The following FAP variants were observed in gnomAD, a reference collection of about 807,000 sequenced individuals.
The protein encoded by FAP is fibroblast activation protein alpha.
FAP carries 110 observed loss-of-function variants against 126.5 expected under a neutral mutation model. That is an observed-to-expected ratio of 0.87 (90% CI 0.74 to 1.02). The LOEUF is 1.02. Among genes scored for constraint, FAP ranks in the 50% least tolerant of loss-of-function variants. The pLI, the probability that FAP is intolerant of heterozygous loss-of-function variation, is 0.00. For missense variants in FAP, 919 were observed against 909.2 expected, an observed-to-expected ratio of 1.01 and a Z score of -0.14; for synonymous variants, 334 against 297.3, an observed-to-expected ratio of 1.12 and a Z score of -1.27.
At chr2:162,175,517 T>C (rs978247390) in intron 21 of FAP, 1 of 152,292 alleles carries the variant, frequency 6.6e-6, no homozygotes, top group Non-Finnish European at 1.5e-5. Context: ...AGTTTGTGTA[T>C]GTTGTAGTGG....
intron 12 of FAP, among the ~76,000 whole-genome samples, chr2:162,208,352 AATT>A (rs1206849126): frequency 6.6e-6 from 1 of 152,166 alleles, no homozygotes; most frequent in Non-Finnish European, 1.5e-5. Flanking sequence ...AGATTTTTTA[AATT>A]ATTAAGATAC....
At chr2:162,196,303 T>C (rs1255914872) in intron 16 of FAP, among the ~76,000 whole-genome samples, 1 of 152,190 alleles carries the variant, frequency 6.6e-6, no homozygotes, top group Non-Finnish European at 1.5e-5. Context: ...ACTTCCTGTG[T>C]GGAATCTCAG....
intron 20 of FAP, among the ~76,000 whole-genome samples, chr2:162,184,343 C>G (rs528302045): frequency 6.6e-6 from 1 of 152,282 alleles, no homozygotes; most frequent in African/African-American, 2.4e-5. Context: ...GACACACAGT[C>G]CCAGAAAAAT....
intron 2 of FAP, among the ~76,000 whole-genome samples, chr2:162,234,523 T>G (rs1049125715): frequency 3.9e-5 from 6 of 152,212 alleles, no homozygotes; most frequent in African/African-American, 1.2e-4. Flanking sequence ...TATCTGTCAG[T>G]AGAAAGAGTT....
intron 21 of FAP, chr2:162,176,184 C>T (rs1312880573): frequency 6.6e-6 from 1 of 152,104 alleles, no homozygotes; most frequent in Non-Finnish European, 1.5e-5. Flanking sequence ...GAGAGGTAGA[C>T]AGACATGGTG....
At position 162,237,095 on chromosome 2, in the gene FAP, TAAA is replaced by T. The variant is rs752352046; in HGVS notation, c.91+5810_91+5812del. On this transcript the variant is annotated intron_variant, in intron 2 of 25. Coordinates refer to ENST00000188790, the MANE Select transcript of FAP (RefSeq NM_004460.5). Reference sequence around the variant, plus strand: ...CTGTTCTTACTGCATATTAGTCAATTAAAAAGGATACTGGAAATGAAAAATAAG... The same window carrying T: ...CTGTTCTTACTGCATATTAGTCAATTAAGGATACTGGAAATGAAAAATAAG... Among the ~76,000 whole-genome samples the T allele has an allele frequency of 5.3e-4, 81 of 152,266 alleles. 1 individual carries two copies. The highest frequency in any genetic ancestry group is 9.3e-4 in the Non-Finnish European group (63 of 68,008).
intron 21 of FAP, among the ~76,000 whole-genome samples, chr2:162,179,759 G>GATCTATCTATCT (rs1320073177): frequency 1.0e-4 from 14 of 134,886 alleles, no homozygotes; most frequent in African/African-American, 3.3e-4. Flanking sequence ...AGGAAGCACA[G>GATCTATCTATCT]ATCTATCTAT....
chr2:162,205,048 C>T (rs934568255), intron 12 of FAP, among the ~76,000 whole-genome samples: 1 of 152,152 alleles, frequency 6.6e-6, no homozygotes, highest in Non-Finnish European at 1.5e-5. Context: ...CCTAGTGTAG[C>T]CAACCAGTGG....
In FAP at chr2:162,243,190, T is replaced by A; in HGVS notation, c.6+132A>T. 9 of 848,856 alleles carry A rather than the reference T, an allele frequency of 1.1e-5. No individual in the cohort carries two copies. In the South Asian group the frequency reaches 1.5e-4, roughly 14 times the overall value. The allele number at this position is 848,856 out of a possible 1,614,324, so 52.6% of individuals were successfully genotyped here. The stretch of plus-strand genomic sequence containing the variant: ...TTCTACAGTATATTTAGAACAATTT[T>A]CCAATCCCAACCCATTGAGGAAGTA... On this transcript the variant is annotated intron_variant, in intron 1 of 25. Coordinates refer to ENST00000188790, the MANE Select transcript of FAP (RefSeq NM_004460.5).
chr2:162,223,560 A>G (rs778652490), intron 6 of FAP, 48 bp downstream of exon 6: 1 of 1,153,346 alleles, frequency 8.7e-7, no homozygotes, highest in Non-Finnish European at 1.3e-6. Context: ...GAATGAAAAC[A>G]TTCTAGGTAT....
chr2:162,220,350 C>T (rs1165427907), intron 6 of FAP, among the ~76,000 whole-genome samples: 3 of 152,146 alleles, frequency 2.0e-5, no homozygotes, highest in Non-Finnish European at 2.9e-5. Context: ...CCTTTTAACC[C>T]CTGGGATTGT....
intron 16 of FAP, 188 bp downstream of exon 16, chr2:162,198,569 A>G: frequency 1.2e-6 from 1 of 820,522 alleles, no homozygotes; most frequent in Non-Finnish European, 1.8e-6. Context: ...CTGTTTCCTC[A>G]GTTGCAAAAA....
rs762274876 is a variant in FAP, at chr2:162,225,509, A to G, written c.259T>C (p.Tyr87His). Reference protein sequence around the residue: ...VLYNIETGQSYTILSNRTMKS... With the variant: ...VLYNIETGQSHTILSNRTMKS... ...ATGGTTCTATTACTCAAAATGGTATATGATTGTCCTGTTTCAATATTATAA... is the reference window on the plus strand; with the variant it reads ...ATGGTTCTATTACTCAAAATGGTATGTGATTGTCCTGTTTCAATATTATAA... The change falls in exon 4 of 26, where the codon TAT becomes CAT. Residue 87 changes from tyrosine (Y) to histidine (H), a missense_variant. By Grantham distance (83) the Tyr-to-His change is moderately conservative. Transcript: ENST00000188790. 20 of 1,600,810 alleles carry G rather than the reference A, an allele frequency of 1.2e-5. No individual in the cohort carries two copies. The highest frequency in any genetic ancestry group is 1.7e-5 in the Admixed American group (1 of 58,310).
At chr2:162,182,871 A>G (rs1015417524) in intron 21 of FAP, among the ~76,000 whole-genome samples, 1 of 152,206 alleles carries the variant, frequency 6.6e-6, no homozygotes, top group Non-Finnish European at 1.5e-5. Context: ...TATCTCCATG[A>G]CCTATAATTA....
At chr2:162,178,765 T>G (rs1687578254) in intron 21 of FAP, among the ~76,000 whole-genome samples, 1 of 152,152 alleles carries the variant, frequency 6.6e-6, no homozygotes, top group Non-Finnish European at 1.5e-5. Flanking sequence ...TTTTGTTGGG[T>G]GCGATGTATT....
chr2:162,213,271 G>A (rs1345439413), intron 11 of FAP, among the ~76,000 whole-genome samples: 14 of 151,732 alleles, frequency 9.2e-5, no homozygotes, highest in Admixed American at 8.5e-4. Flanking sequence ...AGCTACTCAG[G>A]AGACTGAGGC....
chr2:162,238,972 G>A lies in FAP; in HGVS notation c.91+3936C>T, dbSNP rs920293132. On this transcript the variant is annotated intron_variant, in intron 2 of 25. Transcript: ENST00000188790. The stretch of plus-strand genomic sequence containing the variant: ...ATATTTTCTTCAATGCATTATAAAA[G>A]GCAAGACTCAGCTAAATAATCACTA... Among the ~76,000 whole-genome samples the A allele has an allele frequency of 2.0e-5, 3 of 152,006 alleles. No individual in the cohort carries two copies. In the South Asian group the frequency reaches 6.2e-4, roughly 32 times the overall value.
intron 22 of FAP, among the ~76,000 whole-genome samples, chr2:162,174,004 T>G (rs1209967902): frequency 3.9e-5 from 6 of 152,172 alleles, no homozygotes. Context: ...AGGAAGAGAT[T>G]ATGGAAACAG....
At chr2:162,186,772 G>A (rs1008193085) in intron 20 of FAP, among the ~76,000 whole-genome samples, 4 of 151,984 alleles carry the variant, frequency 2.6e-5, no homozygotes, top group Non-Finnish European at 4.4e-5. Context: ...GTGAGCCATG[G>A]TGCTAAAAAA....
Sources: allele counts gnomAD v4.1 joint callset (sites outside exome capture counted in the v4.1 genomes callset), GRCh38; gene constraint gnomAD v4.1.1; transcripts MANE v1.5; gene names NCBI Gene and HGNC (gene_info 2026-07-23, HGNC 2026-07-21).